The following CREB5 variants were observed in gnomAD, a reference collection of about 807,000 sequenced individuals.
CREB5 encodes cyclic AMP-responsive element-binding protein 5.
A neutral mutation model predicts 57.1 loss-of-function variants in CREB5; 19 were observed. The ratio of observed to expected loss-of-function variants is 0.33; its 90% CI spans 0.23 to 0.49. The LOEUF (loss-of-function observed/expected upper bound fraction) is 0.49, where lower values mean the gene tolerates loss of function less well. Among genes scored for constraint, CREB5 ranks in the 20% least tolerant of loss-of-function variants. CREB5 has a pLI of 0.99. For missense variants in CREB5, 579 were observed against 671.6 expected (o/e 0.86, Z 1.52); for synonymous variants, 238 against 238.3 (o/e 1.00, Z 0.01).
chr7:28,816,725 T>C (rs1248888221), intron 9 of CREB5, among the ~76,000 whole-genome samples: 1 of 152,242 alleles, frequency 6.6e-6, no homozygotes, highest in Non-Finnish European at 1.5e-5. Context: ...TCCTAGGTGA[T>C]AAATACATGG....
chr7:28,709,875 G>C (rs184686915), intron 5 of CREB5, among the ~76,000 whole-genome samples: 1 of 152,188 alleles, frequency 6.6e-6, no homozygotes, highest in Non-Finnish European at 1.5e-5. Context: ...AAGTCCGTGC[G>C]AAGCAGAAAT....
At chr7:28,644,593 C>T (rs1314049368) in intron 5 of CREB5, among the ~76,000 whole-genome samples, 1 of 142,870 alleles carries the variant, frequency 7.0e-6, no homozygotes, top group Non-Finnish European at 1.5e-5. Context: ...GGAATTAAAA[C>T]ATTATGTTTC....
At chr7:28,626,018 T>G (rs1240124584) in intron 5 of CREB5, among the ~76,000 whole-genome samples, 1 of 152,216 alleles carries the variant, frequency 6.6e-6, no homozygotes, top group African/African-American at 2.4e-5. Context: ...TTTACGATAA[T>G]GATATCCTAA....
At chr7:28,510,484 T>TA (rs940691216) in intron 4 of CREB5, among the ~76,000 whole-genome samples, 5 of 152,220 alleles carry the variant, frequency 3.3e-5, no homozygotes, top group African/African-American at 4.8e-5. Flanking sequence ...CTATGTGTCT[T>TA]ACACAAAAAA....
intron 4 of CREB5, among the ~76,000 whole-genome samples, chr7:28,519,768 CT>C (rs1476734920): frequency 1.3e-5 from 2 of 152,232 alleles, no homozygotes; most frequent in Non-Finnish European, 2.9e-5. Flanking sequence ...GGAAAAACAT[CT>C]GTTAATAACA....
At chr7:28,753,896 C>A (rs1161551455) in intron 7 of CREB5, among the ~76,000 whole-genome samples, 1 of 151,784 alleles carries the variant, frequency 6.6e-6, no homozygotes, top group African/African-American at 2.4e-5. Flanking sequence ...AGAAGGTTAA[C>A]CCTACCAGGG....
chr7:28,400,439 T>C (rs1189967169), intron 1 of CREB5, among the ~76,000 whole-genome samples: 1 of 152,194 alleles, frequency 6.6e-6, no homozygotes, highest in Non-Finnish European at 1.5e-5. Flanking sequence ...TAGCATTAAA[T>C]AGCCACAGCA....
chr7:28,517,475 C>T (rs982211041), intron 4 of CREB5, among the ~76,000 whole-genome samples: 1 of 152,202 alleles, frequency 6.6e-6, no homozygotes, highest in Non-Finnish European at 1.5e-5. Flanking sequence ...ATTTTAGTAT[C>T]AGAACCATGC....
chr7:28,577,478 T>C (rs186466064), intron 5 of CREB5, among the ~76,000 whole-genome samples: 1 of 152,348 alleles, frequency 6.6e-6, no homozygotes, highest in East Asian at 1.9e-4. Context: ...CTCTTCTCTT[T>C]GTCAGGTGCT....
intron 1 of CREB5, among the ~76,000 whole-genome samples, chr7:28,316,934 A>G (rs1419870994): frequency 2.0e-5 from 3 of 151,836 alleles, no homozygotes; most frequent in Non-Finnish European, 4.4e-5. Flanking sequence ...AAGAGCAGAT[A>G]CACTGTTGGG....
In CREB5 at chr7:28,469,111, C is replaced by T. The variant is rs548735860; in HGVS notation, c.4-19064C>T. Reference sequence around the variant, plus strand: ...TGGCATGTGCCTGTAGTCCCAACTACTCAGGAGGCTGAGGTGGGAGGATCA... The same window carrying T: ...TGGCATGTGCCTGTAGTCCCAACTATTCAGGAGGCTGAGGTGGGAGGATCA... On this transcript the variant is annotated intron_variant, in intron 1 of 10. Transcript: ENST00000357727. 6.6e-5 allele frequency among the ~76,000 whole-genome samples: 10 copies of T among 152,330 alleles called. No individual in the cohort carries two copies. The South Asian group carries it at 2.1e-3, about 32-fold the overall frequency.
intron 5 of CREB5, among the ~76,000 whole-genome samples, chr7:28,584,427 A>G (rs1796236838): frequency 6.6e-6 from 1 of 152,168 alleles, no homozygotes; most frequent in South Asian, 2.1e-4. Context: ...TGTCCTTATA[A>G]GAAGGCCATG....
At chr7:28,468,277 C>T (rs1790672989) in intron 1 of CREB5, among the ~76,000 whole-genome samples, 1 of 152,240 alleles carries the variant, frequency 6.6e-6, no homozygotes, top group South Asian at 2.1e-4. Context: ...AGATAATGCC[C>T]AGTCTCTCAC....
intron 2 of CREB5, among the ~76,000 whole-genome samples, chr7:28,491,520 A>G (rs149032278): frequency 1.5e-3 from 221 of 152,358 alleles, no homozygotes; most frequent in Middle Eastern, 6.8e-3. Flanking sequence ...TTGGACAGAC[A>G]TGGAAATTGG....
intron 1 of CREB5, among the ~76,000 whole-genome samples, chr7:28,369,461 C>T (rs1388707253): frequency 6.8e-6 from 1 of 147,736 alleles, no homozygotes; most frequent in Non-Finnish European, 1.5e-5. Context: ...GCTCTACGGA[C>T]ATTGTGGGCA....
At chr7:28,389,520 G>T (rs1369183369) in intron 1 of CREB5, among the ~76,000 whole-genome samples, 1 of 151,920 alleles carries the variant, frequency 6.6e-6, no homozygotes, top group Non-Finnish European at 1.5e-5. Context: ...ATTTAATCTT[G>T]TCCTCAGATG....
At chr7:28,383,588 C>G (rs1377689137) in intron 1 of CREB5, among the ~76,000 whole-genome samples, 1 of 152,116 alleles carries the variant, frequency 6.6e-6, no homozygotes, top group East Asian at 1.9e-4. Context: ...AAAGCAGGAG[C>G]AAGGGTGGGA....
At chr7:28,661,691 C>A (rs13230926) in intron 5 of CREB5, among the ~76,000 whole-genome samples, 18,681 of 152,144 alleles carry the variant, frequency 0.12, 2,421 homozygotes, top group African/African-American at 0.33. Flanking sequence ...TTCTCTCAAG[C>A]AACAGTTGAT....
intron 1 of CREB5, among the ~76,000 whole-genome samples, chr7:28,378,235 G>C (rs1786884249): frequency 6.6e-6 from 1 of 151,784 alleles, no homozygotes; most frequent in African/African-American, 2.4e-5. Context: ...AGAGATCTGA[G>C]GCTTTTAAAA....
Sources: gnomAD v4.1 joint callset for allele counts (sites outside exome capture counted in the v4.1 genomes callset) on GRCh38, gnomAD v4.1.1 for gene constraint, MANE v1.5 for transcripts, NCBI Gene and HGNC (gene_info 2026-07-23, HGNC 2026-07-21) for gene names.